C11orf65: variants seen among roughly 807,000 people sequenced by gnomAD.
The protein encoded by C11orf65 is protein MFI.
A neutral mutation model predicts 35.3 loss-of-function variants in C11orf65; 38 were observed. The observed-to-expected ratio is 1.08, with a 90% confidence interval of 0.83 to 1.41. The LOEUF is 1.41. C11orf65 is among the 40% of genes most tolerant of loss of function. The pLI is 0.00. For synonymous variants in C11orf65, 105 were observed against 114.4 expected, an observed-to-expected ratio of 0.92 and a Z score of 0.53; for missense variants, 370 against 367.1, an observed-to-expected ratio of 1.01 and a Z score of -0.06.
At chr11:108,382,152 G>A (rs1397589643), downstream of C11orf65, among the ~76,000 whole-genome samples, 1 of 152,192 alleles carries the variant, frequency 6.6e-6, no homozygotes, top group Non-Finnish European at 1.5e-5. Flanking sequence ...GAGACTTCAA[G>A]CCAGAGCCAC....
downstream of C11orf65, chr11:108,328,916 A>G: frequency 6.6e-6 from 8 of 1,205,808 alleles, no homozygotes; most frequent in South Asian, 8.2e-5. Flanking sequence ...GCTAGCTTTT[A>G]TATGTATATA....
chr11:108,397,401 T>C (rs531246857), intron 6 of C11orf65, among the ~76,000 whole-genome samples: 82 of 152,116 alleles, frequency 5.4e-4, no homozygotes, highest in Non-Finnish European at 1.1e-3. Flanking sequence ...CTTAACATGA[T>C]CTTATATTCT....
At chr11:108,449,623 AC>A (rs1433913051) in intron 2 of C11orf65, among the ~76,000 whole-genome samples, 2 of 152,026 alleles carry the variant, frequency 1.3e-5, no homozygotes, top group Non-Finnish European at 2.9e-5. Context: ...TACACCTGAT[AC>A]AAAAATTAAC....
intron 2 of C11orf65, among the ~76,000 whole-genome samples, chr11:108,356,821 G>C (rs375861360): frequency 2.6e-5 from 4 of 152,226 alleles, no homozygotes; most frequent in African/African-American, 4.8e-5. Flanking sequence ...ACAGTGGCCA[G>C]ATCCTTTGCC....
chr11:108,337,018 T>C (rs2086930280), intron 2 of C11orf65, among the ~76,000 whole-genome samples: 2 of 152,232 alleles, frequency 1.3e-5, no homozygotes, highest in South Asian at 2.1e-4. Context: ...TATATATTTC[T>C]AGTTTTCCAC....
chr11:108,383,280 T>C, intron 8 of C11orf65, 105 bp from the exon 9 acceptor site: 2 of 969,876 alleles, frequency 2.1e-6, no homozygotes, highest in South Asian at 3.6e-5. Context: ...TCACCATTCT[T>C]AAAGCAAATA....
chr11:108,314,301 T>G (rs1194030114), intron 6 of C11orf65, among the ~76,000 whole-genome samples: 1 of 152,068 alleles, frequency 6.6e-6, no homozygotes, highest in Admixed American at 6.5e-5. Flanking sequence ...GAGATGGGTT[T>G]AGCCATGTTG....
chr11:108,443,652 A>G (rs2093198794), intron 2 of C11orf65, among the ~76,000 whole-genome samples: 1 of 152,190 alleles, frequency 6.6e-6, no homozygotes, highest in Non-Finnish European at 1.5e-5. Context: ...ACTAGAACTC[A>G]GGATTAAGAA....
intron 3 of C11orf65, among the ~76,000 whole-genome samples, chr11:108,418,047 T>C (rs985170103): frequency 2.6e-5 from 4 of 151,624 alleles, no homozygotes; most frequent in Non-Finnish European, 5.9e-5. Context: ...TTTATAATGA[T>C]AAAAGGTTCA....
intron 1 of C11orf65, among the ~76,000 whole-genome samples, chr11:108,465,692 T>TA (rs150780746): frequency 0.023 from 3,388 of 149,268 alleles, 82 homozygotes; most frequent in Middle Eastern, 0.072. Context: ...GGTTTTTTTT[T>TA]AAAAAAAAAA....
rs540172506 is a variant in C11orf65, at chr11:108,365,343, C to G, written c.226+27865G>C. 1 of 1,614,162 alleles carries G rather than the reference C, an allele frequency of 6.2e-7. No homozygotes were observed. Among genetic ancestry groups the G allele is most frequent in the Non-Finnish European group, 8.5e-7 (1 of 1,180,022 alleles). On this transcript the variant is annotated intron_variant, in intron 2 of 3. Transcript: ENST00000524755. ...TCCTTAGTGATATTGACCAGAGTTTCAACAAAGTAGCTGAACGTGTCTTAA... is the reference window on the plus strand; with the variant it reads ...TCCTTAGTGATATTGACCAGAGTTTGAACAAAGTAGCTGAACGTGTCTTAA...
At chr11:108,379,587 C>T (rs540993209), downstream of C11orf65, among the ~76,000 whole-genome samples, 36 of 151,372 alleles carry the variant, frequency 2.4e-4, no homozygotes, top group Middle Eastern at 3.4e-3. Flanking sequence ...GTAACTAATT[C>T]GCACATTGTG....
At chr11:108,460,787 G>A (rs1349893107) in intron 2 of C11orf65, among the ~76,000 whole-genome samples, 2 of 152,034 alleles carry the variant, frequency 1.3e-5, no homozygotes, top group Non-Finnish European at 2.9e-5. Context: ...GTGCAATGGC[G>A]TGATCTCGGC....
chr11:108,340,084 T>A (rs1484779861), intron 2 of C11orf65: 1 of 152,220 alleles, frequency 6.6e-6, no homozygotes, highest in African/African-American at 2.4e-5. Flanking sequence ...AACATAATTA[T>A]AATGCAAAGT....
chr11:108,411,980 T>A (rs907758946), intron 3 of C11orf65, among the ~76,000 whole-genome samples: 1 of 152,090 alleles, frequency 6.6e-6, no homozygotes, highest in Non-Finnish European at 1.5e-5. Flanking sequence ...TTCACCACGT[T>A]GGCCAAGCTG....
At chr11:108,328,928 G>A, downstream of C11orf65, 1 of 1,321,468 alleles carries the variant, frequency 7.6e-7, no homozygotes, top group Non-Finnish European at 1.1e-6. Flanking sequence ...ATGTATATAA[G>A]TTAAATTTTA....
chr11:108,322,284 A>C (rs1292732789), intron 6 of C11orf65, among the ~76,000 whole-genome samples: 3 of 152,050 alleles, frequency 2.0e-5, no homozygotes, highest in Non-Finnish European at 4.4e-5. Context: ...CCTCCCGAGT[A>C]GCTGGGATTA....
chr11:108,445,419 C>A lies in C11orf65; in HGVS notation c.82-13581G>T, dbSNP rs189362462. 8.5e-3 allele frequency among the ~76,000 whole-genome samples: 1,291 copies of A among 152,250 alleles called. 19 individuals are homozygous for A. Among genetic ancestry groups the A allele is most frequent in the African/African-American group, 0.029 (1,207 of 41,540 alleles). On this transcript the variant is annotated intron_variant, in intron 2 of 8. Coordinates refer to ENST00000393084, the MANE Select transcript of C11orf65 (RefSeq NM_152587.5). ...CTCTGAGACAAAACTTCCAGAGGAA[C>A]GATCAGGCAGCAGCATTTGCAGGTC...
chr11:108,376,649 T>TA (rs1383296007), intron 2 of C11orf65, among the ~76,000 whole-genome samples: 3 of 151,398 alleles, frequency 2.0e-5, no homozygotes, highest in Non-Finnish European at 4.4e-5. Context: ...CTGAAGGAAA[T>TA]AGAGACACAA....
Sources: gnomAD v4.1 joint callset for allele counts (sites outside exome capture counted in the v4.1 genomes callset) on GRCh38, gnomAD v4.1.1 for gene constraint, MANE v1.5 for transcripts, NCBI Gene and HGNC (gene_info 2026-07-23, HGNC 2026-07-21) for gene names.